CACNA1H: variants seen among roughly 807,000 people sequenced by gnomAD.
The protein encoded by CACNA1H is calcium voltage-gated channel subunit alpha1 H, also known as voltage-dependent T-type calcium channel subunit alpha-1H.
Under a neutral mutation model 192.5 loss-of-function variants are expected in CACNA1H, and 149 were observed. That is an observed-to-expected ratio of 0.77 (90% CI 0.68 to 0.89). CACNA1H has a LOEUF of 0.89. Ranked by LOEUF, CACNA1H falls within the 40% of genes least tolerant of loss-of-function variation. The probability of loss-of-function intolerance (pLI) is 0.00; values close to 1 mark genes in which losing one functional copy is unlikely to be tolerated. For missense variants in CACNA1H, 4,257 were observed against 3,423.5 expected (o/e 1.24, Z -6.08); for synonymous variants, 2,202 against 1,475.2 (o/e 1.49, Z -11.29).
Position 1,200,906 on chromosome 16 carries a change from C to T in CACNA1H, c.1212+98C>T, listed in dbSNP as rs1001189144. 8.4e-5 allele frequency: 73 copies of T among 866,634 alleles called. 1 individual carries two copies. The highest frequency in any genetic ancestry group is 3.7e-4 in the Admixed American group (18 of 49,282). 53.7% of individuals were successfully genotyped at this position (866,634 alleles called of 1,614,324 possible). A position where few individuals can be genotyped will look rare whatever the true frequency, so the allele number is the denominator to read the frequency against. On this transcript the variant is annotated intron_variant, in intron 8 of 34. Transcript: ENST00000348261. ...GGTGGTCATAGGGGCTCCTGTCTGT[C>T]TTCCAGCTGAAGGGAGCACACAGGG...
In CACNA1H at chr16:1,207,805, G is replaced by T; in HGVS notation, c.3099G>T (p.Lys1033Asn). The change falls in exon 15 of 35, where the codon AAG becomes AAT. Residue 1033 changes from lysine (K) to asparagine (N), a missense_variant. By Grantham distance (94) the Lys-to-Asn change is moderately conservative. Coordinates refer to ENST00000348261, the MANE Select transcript of CACNA1H (RefSeq NM_021098.3). ...DANRSDTDEDKTSVHFEEDFH... is the reference protein window; with the variant it reads ...DANRSDTDEDNTSVHFEEDFH... ...ACAGATCCGACACGGACGAGGACAA[G>T]ACGTCGGTCCACTTCGAGGAGGACT... is the stretch of plus-strand genomic sequence containing the variant. The T allele has an allele frequency of 6.2e-7, 1 of 1,603,626 alleles. No individual in the cohort carries two copies. The highest frequency in any genetic ancestry group is 2.3e-5 in the East Asian group (1 of 44,264).
chr16:1,213,119 C>T (rs931736750), intron 26 of CACNA1H, among the ~76,000 whole-genome samples: 13 of 152,350 alleles, frequency 8.5e-5, no homozygotes, highest in African/African-American at 1.9e-4. Context: ...AGATGGCGGG[C>T]GCCGACTTCA....
At chr16:1,162,809 C>T (rs576018041) in intron 2 of CACNA1H, among the ~76,000 whole-genome samples, 22 of 152,106 alleles carry the variant, frequency 1.4e-4, no homozygotes, top group Admixed American at 5.9e-4. Context: ...AGGGCTGTGG[C>T]GTGAAGGCCG....
intron 2 of CACNA1H, among the ~76,000 whole-genome samples, chr16:1,175,286 T>C (rs1225163304): frequency 6.6e-6 from 1 of 152,150 alleles, no homozygotes; most frequent in Non-Finnish European, 1.5e-5. Context: ...GAAGCCCTCC[T>C]GCATGTGGGG....
At chr16:1,175,342 C>T (rs1964774727) in intron 2 of CACNA1H, among the ~76,000 whole-genome samples, 1 of 152,174 alleles carries the variant, frequency 6.6e-6, no homozygotes, top group African/African-American at 2.4e-5. Flanking sequence ...ACTCACCTTC[C>T]CCGCAGGTCC....
In CACNA1H at chr16:1,209,422, TG is replaced by T; in HGVS notation, c.3744+12del. 1 of 1,596,110 alleles carries T rather than the reference TG, an allele frequency of 6.3e-7. No individual in the cohort carries two copies. The highest frequency in any genetic ancestry group is 8.5e-7 in the Non-Finnish European group (1 of 1,178,750). On this transcript the variant is annotated intron_variant, in intron 17 of 34. Transcript: ENST00000348261. Reference sequence around the variant, plus strand: ...CGACGACTCGGAGGACGTGAGTGCGTGGCCCTGGGCCCACCGCCGACTCGCC... The same window carrying T: ...CGACGACTCGGAGGACGTGAGTGCGTGCCCTGGGCCCACCGCCGACTCGCC...
rs926073310 is a variant in CACNA1H at position 1,216,879 on chromosome 16, C to T, written c.5245-53C>T. Reference sequence around the variant, plus strand: ...GGCGCCGAGTGCCCTGCAGGGTGGGCTGAGGCCTCCCTGCCCGCCCGTCTG... The same window carrying T: ...GGCGCCGAGTGCCCTGCAGGGTGGGTTGAGGCCTCCCTGCCCGCCCGTCTG... On this transcript the variant is annotated intron_variant, in intron 30 of 34. Transcript: ENST00000348261. The T allele has an allele frequency of 4.1e-6, 6 of 1,454,232 alleles. No homozygotes were observed. In the African/African-American group the frequency reaches 5.6e-5, roughly 14 times the overall value. 90.1% of individuals were successfully genotyped at this position (1,454,232 alleles called of 1,614,324 possible). A position where few individuals can be genotyped will look rare whatever the true frequency, so the allele number is the denominator to read the frequency against.
intron 2 of CACNA1H, among the ~76,000 whole-genome samples, chr16:1,185,454 C>T (rs1162549156): frequency 6.6e-6 from 1 of 151,576 alleles, no homozygotes; most frequent in African/African-American, 2.4e-5. Flanking sequence ...TCTGTGGGTC[C>T]TGCCAGCGGC....
At position 1,198,698 on chromosome 16, in the gene CACNA1H, A is replaced by T. The variant is rs776274017; in HGVS notation, c.727A>T (p.Ile243Phe). The change falls in exon 6 of 35, where the codon ATT (isoleucine) becomes TTT (phenylalanine). Residue 243 changes from isoleucine (I) to phenylalanine (F), a missense_variant. Ile to Phe is a conservative substitution (Grantham distance 21). Transcript: ENST00000348261. ...VLLLCFFVFF[I>F]FGIVGVQLWA... ...TCTGCTGTGCTTCTTCGTCTTCTTC[A>T]TTTTCGGCATCGTTGGCGTCCAGCT... 1.2e-6 allele frequency: 2 copies of T among 1,613,334 alleles called. No homozygotes were observed. Among genetic ancestry groups the T allele is most frequent in the South Asian group, 1.1e-5 (1 of 91,078 alleles).
rs375390442 is a variant in CACNA1H, at chr16:1,202,205, G to A, written c.1755G>A (p.Pro585=). 2.6e-5 allele frequency: 41 copies of A among 1,553,024 alleles called. No homozygotes were observed. The highest frequency in any genetic ancestry group is 2.2e-4 in the East Asian group (9 of 41,014). The change falls in exon 9 of 35, where the codon CCG becomes CCA. Residue 585 remains proline, a synonymous_variant. Transcript: ENST00000348261. The part of the protein sequence containing the change: ...IYHADCHIEG[P]QERARVAHAA... Reference sequence around the variant, plus strand: ...ATGCCGACTGCCACATAGAGGGGCCGCAGGAGAGGGCCCGGGTGGCACATG... The same window carrying A: ...ATGCCGACTGCCACATAGAGGGGCCACAGGAGAGGGCCCGGGTGGCACATG...
chr16:1,213,705 G>A, intron 26 of CACNA1H, 75 bp from the exon 27 acceptor site: 1 of 1,202,026 alleles, frequency 8.3e-7, no homozygotes, highest in Non-Finnish European at 1.1e-6. Flanking sequence ...CCACCTAGGA[G>A]GAGAATGGAG....
At chr16:1,169,536 G>A (rs886072538) in intron 2 of CACNA1H, among the ~76,000 whole-genome samples, 1 of 152,172 alleles carries the variant, frequency 6.6e-6, no homozygotes, top group Non-Finnish European at 1.5e-5. Context: ...CGTGGGCAGC[G>A]ACCCCAAGCT....
At chr16:1,160,767 G>C (rs1196584558) in intron 2 of CACNA1H, among the ~76,000 whole-genome samples, 1 of 152,150 alleles carries the variant, frequency 6.6e-6, no homozygotes, top group Non-Finnish European at 1.5e-5. Flanking sequence ...TCTTGCTGCC[G>C]CCCGGTCGCT....
intron 2 of CACNA1H, among the ~76,000 whole-genome samples, chr16:1,189,865 C>T (rs1596366085): frequency 1.3e-5 from 2 of 152,168 alleles, no homozygotes; most frequent in Non-Finnish European, 1.5e-5. Context: ...GGGTTTTCAT[C>T]GTTACGAGCC....
rs758175192 is a variant in CACNA1H, at chr16:1,195,958, T to C, written c.578T>C (p.Val193Ala). Reference protein sequence around the residue: ...MMEYSLDGHNVSLSAIRTVRV... With the variant: ...MMEYSLDGHNASLSAIRTVRV... ...GAGTACTCGTTGGACGGACACAACGTGAGCCTCTCGGCTATCAGGACCGTG... is the reference window on the plus strand; with the variant it reads ...GAGTACTCGTTGGACGGACACAACGCGAGCCTCTCGGCTATCAGGACCGTG... The change falls in exon 5 of 35, where the codon GTG becomes GCG. Residue 193 changes from valine to alanine, a missense_variant. Physicochemically the swap from Val to Ala is moderately conservative, Grantham distance 64 (BLOSUM62 0). Coordinates refer to ENST00000348261, the MANE Select transcript of CACNA1H (RefSeq NM_021098.3). 16 of 1,613,050 alleles carry C rather than the reference T, an allele frequency of 9.9e-6. No individual in the cohort carries two copies. In the East Asian group the frequency reaches 2.7e-4, roughly 27 times the overall value.
intron 4 of CACNA1H, 96 bp from the exon 5 acceptor site, chr16:1,195,830 C>T (rs118057853): frequency 3.8e-4 from 401 of 1,048,910 alleles, no homozygotes; most frequent in Admixed American, 1.1e-3. Flanking sequence ...GCCGGGCTGG[C>T]CGGTTCTATG....
chr16:1,201,212 C>T (rs753334373), intron 8 of CACNA1H, among the ~76,000 whole-genome samples: 1 of 152,126 alleles, frequency 6.6e-6, no homozygotes, highest in Non-Finnish European at 1.5e-5. Flanking sequence ...TAGAGCCACC[C>T]TGCGGGGACC....
intron 2 of CACNA1H, among the ~76,000 whole-genome samples, chr16:1,173,473 C>T (rs1045010579): frequency 2.6e-5 from 4 of 152,228 alleles, no homozygotes; most frequent in African/African-American, 9.7e-5. Context: ...TCGCTATTTA[C>T]TTTTTTAGTA....
rs762362357 is a variant in CACNA1H, at chr16:1,209,077, G to A, written c.3409G>A (p.Ala1137Thr). 1.3e-5 allele frequency: 20 copies of A among 1,543,226 alleles called. No homozygotes were observed. The highest frequency in any genetic ancestry group is 4.8e-5 in the East Asian group (2 of 41,614). Residue 1137 changes from alanine to threonine, a missense_variant, in exon 17 of 35, where the codon GCC (alanine) becomes ACC (threonine). Physicochemically the swap from Ala to Thr is moderately conservative, Grantham distance 58. Transcript: ENST00000348261. ...CTGTGCCCCCTGGGGCCCCAGTGGCGCCTGGAGCAGCCGGCGCTCCAGCTG... is the reference window on the plus strand; with the variant it reads ...CTGTGCCCCCTGGGGCCCCAGTGGCACCTGGAGCAGCCGGCGCTCCAGCTG... ...SPCAPWGPSGAWSSRRSSWSS... is the reference protein window; with the variant it reads ...SPCAPWGPSGTWSSRRSSWSS...
Sources: gnomAD v4.1 joint callset for allele counts (sites outside exome capture counted in the v4.1 genomes callset) on GRCh38, gnomAD v4.1.1 for gene constraint, MANE v1.5 for transcripts, NCBI Gene and HGNC (gene_info 2026-07-23, HGNC 2026-07-21) for gene names.